OSMR: variants seen among roughly 807,000 people sequenced by gnomAD.
OSMR encodes oncostatin M receptor.
A neutral mutation model predicts 99.9 loss-of-function variants in OSMR; 81 were observed. That is an observed-to-expected ratio of 0.81 (90% CI 0.68 to 0.97). The LOEUF is 0.97. OSMR is among the 50% of genes least tolerant of loss of function. The probability of loss-of-function intolerance (pLI) is 0.00; values close to 1 mark genes in which losing one functional copy is unlikely to be tolerated. For synonymous variants in OSMR, 406 were observed against 410.4 expected, an observed-to-expected ratio of 0.99 and a Z score of 0.13; for missense variants, 1,099 against 1,153.4, an observed-to-expected ratio of 0.95 and a Z score of 0.68.
chr5:38,889,078 G>GT (rs1021298052), intron 7 of OSMR, among the ~76,000 whole-genome samples: 1 of 151,468 alleles, frequency 6.6e-6, no homozygotes, highest in African/African-American at 2.4e-5. Context: ...AAGTCACTTG[G>GT]TTTTTTTGCC....
At chr5:38,861,122 T>G (rs1050307605) in intron 1 of OSMR, among the ~76,000 whole-genome samples, 5 of 152,238 alleles carry the variant, frequency 3.3e-5, no homozygotes, top group Non-Finnish European at 5.9e-5. Context: ...TTTTTATTTT[T>G]ATTTTTTTGA....
intron 7 of OSMR, among the ~76,000 whole-genome samples, chr5:38,889,542 AT>A (rs2112435408): frequency 6.6e-6 from 1 of 152,156 alleles, no homozygotes; most frequent in South Asian, 2.1e-4. Flanking sequence ...TGTTTGCTAA[AT>A]CTGATTTATA....
At chr5:38,882,646 G>A (rs79152497) in intron 4 of OSMR, among the ~76,000 whole-genome samples, 8 of 152,112 alleles carry the variant, frequency 5.3e-5, no homozygotes, top group Non-Finnish European at 7.4e-5. Flanking sequence ...ACGGCGGGGT[G>A]GGGGGAAGGG....
chr5:38,870,849 C>G (rs948024298), intron 2 of OSMR, among the ~76,000 whole-genome samples: 1 of 152,058 alleles, frequency 6.6e-6, no homozygotes, highest in African/African-American at 2.4e-5. Flanking sequence ...TGAAAATTCT[C>G]CAGGTGGGAG....
At position 38,917,416 on chromosome 5, in the gene OSMR, G is replaced by A. The variant is rs1745970398; in HGVS notation, c.1286-130G>A. 8 of 1,479,764 alleles carry A rather than the reference G, an allele frequency of 5.4e-6. No homozygotes were observed. In the Admixed American group the frequency reaches 1.0e-4, roughly 19 times the overall value. 91.7% of individuals were successfully genotyped at this position (1,479,764 alleles called of 1,614,324 possible). A position where few individuals can be genotyped will look rare whatever the true frequency, so the allele number is the denominator to read the frequency against. On this transcript the variant is annotated intron_variant, in intron 9 of 17. Transcript: ENST00000274276. ...GACCAGTGGGTAGAAGTCATAGAGAGTGAAAACGGGAGAGGCAAGCCTCAG... is the reference window on the plus strand; with the variant it reads ...GACCAGTGGGTAGAAGTCATAGAGAATGAAAACGGGAGAGGCAAGCCTCAG...
At chr5:38,918,248 A>G (rs962015207) in intron 10 of OSMR, among the ~76,000 whole-genome samples, 3 of 151,962 alleles carry the variant, frequency 2.0e-5, no homozygotes, top group Non-Finnish European at 4.4e-5. Flanking sequence ...CCAAGCAGAT[A>G]GCCACTCCAA....
At chr5:38,914,086 A>G (rs544460763) in intron 9 of OSMR, among the ~76,000 whole-genome samples, 9 of 152,330 alleles carry the variant, frequency 5.9e-5, no homozygotes, top group East Asian at 1.9e-4. Flanking sequence ...AATATATTCC[A>G]TGTGTATTAA....
intron 9 of OSMR, among the ~76,000 whole-genome samples, chr5:38,908,343 C>T (rs965315411): frequency 1.3e-5 from 2 of 152,328 alleles, no homozygotes; most frequent in African/African-American, 2.4e-5. Flanking sequence ...TGCATCCCCC[C>T]ACCAGGGCAA....
At chr5:38,892,618 C>G (rs1309979790) in intron 7 of OSMR, among the ~76,000 whole-genome samples, 1 of 152,178 alleles carries the variant, frequency 6.6e-6, no homozygotes, top group African/African-American at 2.4e-5. Flanking sequence ...AGTAGCAGTA[C>G]TGCCACATCG....
chr5:38,929,560 C>CAA (rs35383101), intron 15 of OSMR, among the ~76,000 whole-genome samples: 5,011 of 152,138 alleles, frequency 0.033, 138 homozygotes, highest in South Asian at 0.081. Flanking sequence ...TGAAAAATAC[C>CAA]AAGTGTTGAT....
exon 3 of OSMR, chr5:38,944,975 C>A: frequency 6.2e-7 from 1 of 1,613,950 alleles, no homozygotes; most frequent in East Asian, 2.2e-5. Context: ...CCCATCACTG[C>A]ATCCAGAAAT....
intron 10 of OSMR, among the ~76,000 whole-genome samples, chr5:38,917,832 G>C (rs1746001514): frequency 6.6e-6 from 1 of 152,150 alleles, no homozygotes; most frequent in Admixed American, 6.5e-5. Context: ...CTGATTGGTA[G>C]AACCTTCTCT....
exon 3 of OSMR, chr5:38,945,043 A>G (rs760866313): frequency 5.6e-6 from 9 of 1,608,946 alleles, no homozygotes; most frequent in Non-Finnish European, 7.6e-6. Flanking sequence ...GCTCACACCA[A>G]TCAGAATATG....
In OSMR at chr5:38,883,886, G is replaced by A. The variant is rs1401483552; in HGVS notation, c.478G>A (p.Glu160Lys). 1.9e-6 allele frequency: 3 copies of A among 1,613,282 alleles called. No homozygotes were observed. The African/African-American group carries it at 4.0e-5, about 22-fold the overall frequency. Reference sequence around the variant, plus strand: ...TTTCCCTAAAGATAAGCTGGTGGAAGAAGGCACCAATGTTACCATTTGTTA... The same window carrying A: ...TTTCCCTAAAGATAAGCTGGTGGAAAAAGGCACCAATGTTACCATTTGTTA... The part of the protein sequence containing the change: ...FVFPKDKLVE[E>K]GTNVTICYVS... Residue 160 changes from glutamate to lysine, a missense_variant, in exon 5 of 18, where the codon GAA becomes AAA. Coordinates refer to ENST00000274276, the MANE Select transcript of OSMR (RefSeq NM_003999.3).
chr5:38,876,307 T>A lies in OSMR; in HGVS notation c.180T>A (p.His60Gln). Residue 60 changes from histidine (H) to glutamine (Q), a missense_variant, in exon 3 of 18, where the codon CAT becomes CAA. Physicochemically the swap from His to Gln is conservative, Grantham distance 24. Transcript: ENST00000274276. The part of the protein sequence containing the change: ...LQWTVHNLPY[H>Q]QELKMVFQIQ... The stretch of plus-strand genomic sequence containing the variant: ...GGACTGTCCACAACCTTCCTTATCA[T>A]CAGGAATTGAAAATGGTATTTCAGA... The A allele has an allele frequency of 6.2e-7, 1 of 1,613,380 alleles. No individual in the cohort carries two copies. The highest frequency in any genetic ancestry group is 8.5e-7 in the Non-Finnish European group (1 of 1,179,414).
chr5:38,888,013 A>T (rs1176978103), intron 7 of OSMR, among the ~76,000 whole-genome samples: 1 of 152,128 alleles, frequency 6.6e-6, no homozygotes, highest in African/African-American at 2.4e-5. Flanking sequence ...TTAAGGAGTG[A>T]AAAGTTTAGT....
chr5:38,905,027 T>A (rs1745139535), intron 9 of OSMR, among the ~76,000 whole-genome samples: 1 of 152,206 alleles, frequency 6.6e-6, no homozygotes, highest in South Asian at 2.1e-4. Flanking sequence ...GCTAAATAAC[T>A]ATGTCTGAGA....
intron 2 of OSMR, 125 bp downstream of exon 2, chr5:38,869,242 C>T (rs1742187280): frequency 1.2e-6 from 1 of 812,156 alleles, no homozygotes. Flanking sequence ...CTGAGTATCT[C>T]CCATGAGGAG....
At chr5:38,864,059 G>A (rs1453570805) in intron 1 of OSMR, among the ~76,000 whole-genome samples, 3 of 152,058 alleles carry the variant, frequency 2.0e-5, no homozygotes, top group Admixed American at 2.0e-4. Context: ...GGTAAAGTTT[G>A]TTTGTTGTAA....
Sources: gnomAD v4.1 joint callset for allele counts (sites outside exome capture counted in the v4.1 genomes callset) on GRCh38, gnomAD v4.1.1 for gene constraint, MANE v1.5 for transcripts, NCBI Gene and HGNC (gene_info 2026-07-23, HGNC 2026-07-21) for gene names.